SLC35F4: variants seen among roughly 807,000 people sequenced by gnomAD.
SLC35F4 encodes the protein chromosome 14 open reading frame 36.
In SLC35F4, 24 loss-of-function variants were observed where a neutral mutation model predicts 44.2. That is an observed-to-expected ratio of 0.54 (90% CI 0.39 to 0.76). SLC35F4 has a LOEUF of 0.76. Ranked by LOEUF, SLC35F4 falls within the 30% of genes least tolerant of loss-of-function variation. SLC35F4 has a pLI of 0.00. For synonymous variants in SLC35F4, 238 were observed against 223.6 expected, an observed-to-expected ratio of 1.06 and a Z score of -0.57; for missense variants, 562 against 586.1, an observed-to-expected ratio of 0.96 and a Z score of 0.42.
chr14:57,578,617 C>T (rs555937023), intron 4 of SLC35F4: 11 of 152,188 alleles, frequency 7.2e-5, no homozygotes, highest in African/African-American at 2.6e-4. Context: ...TTACACGTTA[C>T]CATTCTTCCG....
chr14:57,933,554 C>CT (rs745341501), intron 1 of SLC35F4, among the ~76,000 whole-genome samples: 64 of 152,186 alleles, frequency 4.2e-4, no homozygotes, highest in Non-Finnish European at 7.9e-4. Flanking sequence ...GAGGACAAAG[C>CT]TGATACCAGT....
chr14:57,820,536 C>T (rs1883065299), intron 1 of SLC35F4, among the ~76,000 whole-genome samples: 1 of 152,224 alleles, frequency 6.6e-6, no homozygotes. Context: ...ATATATGTCT[C>T]AGTAATTAAT....
chr14:57,742,265 A>T (rs961582936), intron 1 of SLC35F4, among the ~76,000 whole-genome samples: 2 of 152,234 alleles, frequency 1.3e-5, no homozygotes, highest in Admixed American at 6.5e-5. Context: ...TCCAATTAAA[A>T]GACACAGACT....
At chr14:57,967,819 C>T (rs1308736248) in intron 1 of SLC35F4, among the ~76,000 whole-genome samples, 1 of 152,142 alleles carries the variant, frequency 6.6e-6, no homozygotes, top group African/African-American at 2.4e-5. Flanking sequence ...CAGGAGCCCT[C>T]ATATGATATA....
intron 1 of SLC35F4, among the ~76,000 whole-genome samples, chr14:57,930,305 A>G (rs1889672438): frequency 6.6e-6 from 1 of 152,188 alleles, no homozygotes; most frequent in African/African-American, 2.4e-5. Flanking sequence ...ATTGTGAGGC[A>G]GAATTTATTC....
At chr14:57,828,543 T>C (rs1884028370) in intron 1 of SLC35F4, among the ~76,000 whole-genome samples, 1 of 152,220 alleles carries the variant, frequency 6.6e-6, no homozygotes, top group South Asian at 2.1e-4. Flanking sequence ...TAGTAGAATT[T>C]CTTCACACAC....
At chr14:57,663,461 A>G (rs1305297050) in intron 1 of SLC35F4, among the ~76,000 whole-genome samples, 1 of 152,166 alleles carries the variant, frequency 6.6e-6, no homozygotes, top group Non-Finnish European at 1.5e-5. Flanking sequence ...AAAGCCTCAT[A>G]ATTGTTTGGT....
chr14:57,820,071 G>A (rs1883006010), intron 1 of SLC35F4, among the ~76,000 whole-genome samples: 1 of 152,084 alleles, frequency 6.6e-6, no homozygotes, highest in Non-Finnish European at 1.5e-5. Flanking sequence ...TATCTTTGTG[G>A]AAAAAATAAT....
chr14:57,676,307 A>G (rs2074690597), intron 1 of SLC35F4, among the ~76,000 whole-genome samples: 1 of 152,160 alleles, frequency 6.6e-6, no homozygotes, highest in African/African-American at 2.4e-5. Flanking sequence ...GGAAGCCATT[A>G]ACCTCAGCAA....
rs538074903 is a variant in SLC35F4, at chr14:57,874,317, G to A, written n.282+107596C>T. 3.9e-5 allele frequency among the ~76,000 whole-genome samples: 6 copies of A among 152,310 alleles called. No homozygotes were observed. In the East Asian group the frequency reaches 9.7e-4, roughly 25 times the overall value. ...CATACTTAAGTTCCTCAAAGGTGGT[G>A]ACTGCATTTTGTTCACCAAGGTATG... On this transcript the variant is annotated intron_variant and non_coding_transcript_variant, in intron 1 of 1. Transcript: ENST00000556568.
intron 1 of SLC35F4, among the ~76,000 whole-genome samples, chr14:57,804,568 T>G (rs926970703): frequency 6.6e-6 from 1 of 152,204 alleles, no homozygotes; most frequent in Non-Finnish European, 1.5e-5. Context: ...GCTGGCCATA[T>G]GCAGAAAATT....
chr14:57,801,798 T>A (rs1233528363), intron 1 of SLC35F4, among the ~76,000 whole-genome samples: 1 of 152,154 alleles, frequency 6.6e-6, no homozygotes, highest in African/African-American at 2.4e-5. Context: ...CCTAAATATA[T>A]ATGCACCCAA....
chr14:57,745,033 T>C (rs1251426930), intron 1 of SLC35F4, among the ~76,000 whole-genome samples: 4 of 152,052 alleles, frequency 2.6e-5, no homozygotes, highest in Non-Finnish European at 5.9e-5. Context: ...TAGCCATATG[T>C]AGAAAGCTGA....
At chr14:57,940,777 C>T (rs1347064434) in intron 1 of SLC35F4, among the ~76,000 whole-genome samples, 1 of 152,178 alleles carries the variant, frequency 6.6e-6, no homozygotes, top group African/African-American at 2.4e-5. Flanking sequence ...CCCACTACTC[C>T]TCTTCTCCTC....
At chr14:57,907,016 A>G (rs960107644) in intron 1 of SLC35F4, among the ~76,000 whole-genome samples, 2 of 152,176 alleles carry the variant, frequency 1.3e-5, no homozygotes, top group Admixed American at 1.3e-4. Flanking sequence ...AAAGTATCTG[A>G]TAAACCATAA....
Position 57,580,852 on chromosome 14 carries a change from A to G in SLC35F4, c.807+362T>C, listed in dbSNP as rs1057189255. The G allele has an allele frequency of 3.4e-5, 6 of 174,582 alleles. No homozygotes were observed. In the East Asian group the frequency reaches 9.5e-4, roughly 28 times the overall value. The allele number at this position is 174,582 out of a possible 1,614,324, so 10.8% of individuals were successfully genotyped here. A position where few individuals can be genotyped will look rare whatever the true frequency, so the allele number is the denominator to read the frequency against. ...GGGTCATCTCAACATATGTTGATTGAAAAATGCAAACCATAATCTTTATAG... is the reference window on the plus strand; with the variant it reads ...GGGTCATCTCAACATATGTTGATTGGAAAATGCAAACCATAATCTTTATAG... On this transcript the variant is annotated intron_variant, in intron 4 of 7. Transcript: ENST00000556826.
At chr14:57,877,597 A>G (rs978200674) in intron 1 of SLC35F4, among the ~76,000 whole-genome samples, 5 of 151,802 alleles carry the variant, frequency 3.3e-5, no homozygotes, top group African/African-American at 1.2e-4. Flanking sequence ...CAGTGGCTTA[A>G]CTAATTTACA....
At chr14:57,694,240 C>A (rs574181132) in intron 1 of SLC35F4, among the ~76,000 whole-genome samples, 4 of 152,256 alleles carry the variant, frequency 2.6e-5, no homozygotes, top group African/African-American at 9.6e-5. Flanking sequence ...AAGAATGGAT[C>A]CTTAAACTCT....
chr14:57,613,457 ACT>A (rs1361627298), intron 1 of SLC35F4, among the ~76,000 whole-genome samples: 1 of 152,126 alleles, frequency 6.6e-6, no homozygotes, highest in Non-Finnish European at 1.5e-5. Flanking sequence ...ACAATGGGTC[ACT>A]CAGTCAAAAA....
Sources: allele counts gnomAD v4.1 joint callset (sites outside exome capture counted in the v4.1 genomes callset), GRCh38; gene constraint gnomAD v4.1.1; transcripts MANE v1.5; gene names NCBI Gene and HGNC (gene_info 2026-07-23, HGNC 2026-07-21).